TSC1: variants seen among roughly 807,000 people sequenced by gnomAD.
The protein encoded by TSC1 is hamartin.
In TSC1, 20 loss-of-function variants were observed where a neutral mutation model predicts 124.3. The ratio of observed to expected loss-of-function variants is 0.16; its 90% CI spans 0.11 to 0.23. TSC1 has a LOEUF of 0.23. TSC1 is among the 10% of genes least tolerant of loss of function. The pLI is 1.00. For synonymous variants in TSC1, 493 were observed against 539.1 expected, an observed-to-expected ratio of 0.91 and a Z score of 1.19; for missense variants, 1,124 against 1,448.5, an observed-to-expected ratio of 0.78 and a Z score of 3.64.
At chr9:132,931,595 T>C (rs1255744947) in intron 2 of TSC1, among the ~76,000 whole-genome samples, 2 of 152,172 alleles carry the variant, frequency 1.3e-5, no homozygotes, top group Non-Finnish European at 2.9e-5. Context: ...GGGTTTTATG[T>C]GAGATTCTTC....
intron 2 of TSC1, among the ~76,000 whole-genome samples, chr9:132,933,138 C>A (rs1564508922): frequency 6.6e-6 from 1 of 152,112 alleles, no homozygotes; most frequent in Non-Finnish European, 1.5e-5. Context: ...CAATCTTGGC[C>A]CACTGCAACC....
intron 8 of TSC1, among the ~76,000 whole-genome samples, chr9:132,920,225 T>A (rs1437276445): frequency 6.6e-6 from 1 of 152,222 alleles, no homozygotes; most frequent in Admixed American, 6.5e-5. Flanking sequence ...TCTCATCTCC[T>A]GGAAACCTTC....
intron 1 of TSC1, chr9:132,940,835 A>G (rs1564514480): frequency 6.6e-6 from 1 of 152,240 alleles, no homozygotes. Context: ...AACAACTGGT[A>G]TTTGAAACAT....
rs201392975 is a variant in TSC1, at chr9:132,904,418, G to C, written c.2034C>G (p.His678Gln). Reference sequence around the variant, plus strand: ...CTAAAGTAACAACTTTACCTCCAAAGTGGGTCCAGTCGACAGACTTGCTGG... The same window carrying C: ...CTAAAGTAACAACTTTACCTCCAAACTGGGTCCAGTCGACAGACTTGCTGG... ...PLPSKSVDWT[H>Q]FGGSPPSDEI... The change falls in exon 16 of 23, where the codon CAC becomes CAG. Residue 678 changes from histidine to glutamine, a missense_variant. This residue lies in a region of TSC1 where 321 missense variants were observed against 397.4 expected (regional missense o/e 0.81). Transcript: ENST00000298552. 1 of 1,614,068 alleles carries C rather than the reference G, an allele frequency of 6.2e-7. No homozygotes were observed. Among genetic ancestry groups the C allele is most frequent in the Non-Finnish European group, 8.5e-7 (1 of 1,179,994 alleles).
intron 11 of TSC1, 84 bp downstream of exon 11, chr9:132,910,918 T>G: frequency 7.3e-7 from 1 of 1,373,580 alleles, no homozygotes; most frequent in Non-Finnish European, 1.0e-6. Context: ...CAGCAAGTGG[T>G]CCCTTAGATC....
intron 12 of TSC1, among the ~76,000 whole-genome samples, chr9:132,907,956 T>C (rs1032234817): frequency 4.2e-4 from 64 of 152,292 alleles, no homozygotes; most frequent in African/African-American, 1.5e-3. Context: ...GCATGGTGAC[T>C]GGTGCTTGTA....
intron 1 of TSC1, among the ~76,000 whole-genome samples, chr9:132,937,028 C>A (rs182203363): frequency 2.0e-5 from 3 of 152,222 alleles, no homozygotes; most frequent in African/African-American, 7.2e-5. Flanking sequence ...TTCAGTGGCA[C>A]CTGCAAGCCT....
Position 132,907,284 on chromosome 9 carries a change from T to C in TSC1, c.1333+17A>G, listed in dbSNP as rs1564483869. 1 of 1,610,814 alleles carries C rather than the reference T, an allele frequency of 6.2e-7. No homozygotes were observed. The highest frequency in any genetic ancestry group is 8.5e-7 in the Non-Finnish European group (1 of 1,176,972). On this transcript the variant is annotated intron_variant, in intron 13 of 22. Transcript: ENST00000298552. Reference sequence around the variant, plus strand: ...TAGAAGAGGCAAGCAAGGCCTGTAGTAACGCAGAAATTTTACCTGATCCTC... The same window carrying C: ...TAGAAGAGGCAAGCAAGGCCTGTAGCAACGCAGAAATTTTACCTGATCCTC...
In TSC1 at chr9:132,911,377, C is replaced by G. The variant is rs1232716496; in HGVS notation, c.1029+76G>C. 5 of 1,172,826 alleles carry G rather than the reference C, an allele frequency of 4.3e-6. No individual in the cohort carries two copies. In the East Asian group the frequency reaches 9.3e-5, roughly 22 times the overall value. The allele number at this position is 1,172,826 out of a possible 1,614,324, so 72.7% of individuals were successfully genotyped here. A position where few individuals can be genotyped will look rare whatever the true frequency, so the allele number is the denominator to read the frequency against. On this transcript the variant is annotated intron_variant, in intron 10 of 22. Coordinates refer to ENST00000298552, the MANE Select transcript of TSC1 (RefSeq NM_000368.5). ...GAGCAGTGTGAAATTTTCCCAACCA[C>G]ATACTAAATCTGACCCAAAGGGTCA... is the stretch of plus-strand genomic sequence containing the variant.
At chr9:132,935,192 C>T in intron 1 of TSC1, 97 bp from the exon 2 acceptor site, 1 of 397,262 alleles carries the variant, frequency 2.5e-6, no homozygotes, top group Non-Finnish European at 4.4e-6. Flanking sequence ...CCTCCTCTAT[C>T]CCTGACAGGT....
rs1847390795 is a variant in TSC1 at position 132,935,111 on chromosome 9, A to AT, written c.-143-17dup. On this transcript the variant is annotated splice_polypyrimidine_tract_variant and intron_variant, in intron 1 of 22. Transcript: ENST00000298552. ...TTCATGGTCACTGAAGGAAGAAAAC[A>AT]TATGTACAATGAAGCAAAATCCCAG... 2.5e-6 allele frequency: 1 copy of AT among 398,880 alleles called. No individual in the cohort carries two copies. Among genetic ancestry groups the AT allele is most frequent in the African/African-American group, 2.1e-5 (1 of 48,636 alleles). The allele number at this position is 398,880 out of a possible 1,614,324, so 24.7% of individuals were successfully genotyped here. A position where few individuals can be genotyped will look rare whatever the true frequency, so the allele number is the denominator to read the frequency against.
intron 1 of TSC1, among the ~76,000 whole-genome samples, chr9:132,940,512 T>A (rs1295220391): frequency 6.6e-6 from 1 of 152,094 alleles, no homozygotes; most frequent in Non-Finnish European, 1.5e-5. Context: ...GACCTGTGAG[T>A]TAATTTATGA....
At position 132,896,118 on chromosome 9, in the gene TSC1, A is replaced by G; in HGVS notation, c.*117T>C. On this transcript the variant is annotated 3_prime_UTR_variant, in exon 23 of 23. Transcript: ENST00000298552. The surrounding 1 kb of genome is among the most constrained non-coding windows in gnomAD (Gnocchi z 4.5). ...CAGCTGTCCAAAGGACCTCCGTCCC[A>G]TTTCCACACATGAACTTGCACTCAG... 6.7e-7 allele frequency: 1 copy of G among 1,499,972 alleles called. No homozygotes were observed. The highest frequency in any genetic ancestry group is 9.2e-7 in the Non-Finnish European group (1 of 1,086,542). The allele number at this position is 1,499,972 out of a possible 1,614,324, so 92.9% of individuals were successfully genotyped here.
chr9:132,896,437 T>C lies in TSC1; in HGVS notation c.3293A>G (p.Asn1098Ser), dbSNP rs1554812687. 2 of 1,614,224 alleles carry C rather than the reference T, an allele frequency of 1.2e-6. No individual in the cohort carries two copies. Among genetic ancestry groups the C allele is most frequent in the Non-Finnish European group, 1.7e-6 (2 of 1,180,036 alleles). ...LGMKARELFR[N>S]KSESQCDEDG... ...CTCATCACACTGGCTCTCGCTCTTA[T>C]TACGAAATAACTCTCGAGCCTTCAT... Residue 1098 changes from asparagine to serine, a missense_variant, in exon 23 of 23, where the codon AAT (asparagine) becomes AGT (serine). Coordinates refer to ENST00000298552, the MANE Select transcript of TSC1 (RefSeq NM_000368.5). The surrounding 1 kb of genome is among the most constrained non-coding windows in gnomAD (Gnocchi z 4.5).
intron 10 of TSC1, 66 bp from the exon 11 acceptor site, chr9:132,911,179 C>T: frequency 7.7e-7 from 1 of 1,295,230 alleles, no homozygotes; most frequent in African/African-American, 1.5e-5. Flanking sequence ...AGGTTTATAT[C>T]CATGGCCAGT....
chr9:132,892,826 T>C lies in TSC1; in HGVS notation c.*3409A>G. 4.3e-6 allele frequency: 1 copy of C among 233,332 alleles called. No individual in the cohort carries two copies. Among genetic ancestry groups the C allele is most frequent in the Non-Finnish European group, 8.5e-6 (1 of 118,078 alleles). 14.5% of individuals were successfully genotyped at this position (233,332 alleles called of 1,614,324 possible). On this transcript the variant is annotated 3_prime_UTR_variant, in exon 23 of 23. Transcript: ENST00000298552. The stretch of plus-strand genomic sequence containing the variant: ...CTATTCTTAACAGTGAGTCTGAGCC[T>C]CTGTGGTCTCAGAGATCCTTTCATC...
chr9:132,935,117 A>G (rs1847391299), intron 1 of TSC1, 22 bp from the exon 2 acceptor site: 1 of 398,944 alleles, frequency 2.5e-6, no homozygotes. Context: ...AAACATATGT[A>G]CAATGAAGCA....
rs889436708 is a variant in TSC1, at chr9:132,891,743, A to G, written c.*4492T>C. 21 of 233,748 alleles carry G rather than the reference A, an allele frequency of 9.0e-5. No individual in the cohort carries two copies. Among genetic ancestry groups the G allele is most frequent in the Middle Eastern group, 1.3e-3 (1 of 786 alleles). 14.5% of individuals were successfully genotyped at this position (233,748 alleles called of 1,614,324 possible). ...TCCGTAATATATTTGTGGTCCATAG[A>G]AGTCTTCTGAAAAGTGATTACTGAT... On this transcript the variant is annotated 3_prime_UTR_variant, in exon 23 of 23. Transcript: ENST00000298552.
intron 8 of TSC1, among the ~76,000 whole-genome samples, chr9:132,919,897 T>G (rs1005006538): frequency 1.3e-5 from 2 of 152,228 alleles, no homozygotes; most frequent in Non-Finnish European, 2.9e-5. Flanking sequence ...TTAGCTTGTC[T>G]TAACTACATA....
Sources: allele counts gnomAD v4.1 joint callset (sites outside exome capture counted in the v4.1 genomes callset), GRCh38; gene constraint gnomAD v4.1.1; regional missense constraint gnomAD v4.1.1; non-coding constraint Gnocchi (gnomAD v3.1); transcripts MANE v1.5; gene names NCBI Gene and HGNC (gene_info 2026-07-23, HGNC 2026-07-21).